The following FGF12 variants were observed in gnomAD, a reference collection of about 807,000 sequenced individuals.
FGF12 encodes the protein fibroblast growth factor 12B.
Under a neutral mutation model 23.6 loss-of-function variants are expected in FGF12, and 14 were observed. The observed-to-expected ratio is 0.59, with a 90% confidence interval of 0.39 to 0.93. FGF12 has a LOEUF of 0.93. FGF12 is among the 40% of genes least tolerant of loss of function. The pLI is 0.00. For synonymous variants in FGF12, 62 were observed against 77.3 expected, an observed-to-expected ratio of 0.80 and a Z score of 1.04; for missense variants, 175 against 217.8, an observed-to-expected ratio of 0.80 and a Z score of 1.24.
At chr3:192,186,700 A>G (rs1022474759) in intron 4 of FGF12, among the ~76,000 whole-genome samples, 1 of 152,226 alleles carries the variant, frequency 6.6e-6, no homozygotes, top group Non-Finnish European at 1.5e-5. Context: ...AAAAAATAAA[A>G]TAAAGAACTG....
intron 2 of FGF12, among the ~76,000 whole-genome samples, chr3:192,389,060 A>T (rs1255167216): frequency 6.6e-6 from 1 of 152,188 alleles, no homozygotes; most frequent in African/African-American, 2.4e-5. Flanking sequence ...CAATGTGAAA[A>T]GACTTAAATT....
chr3:192,630,124 T>C lies in FGF12; in HGVS notation c.13+97057A>G, dbSNP rs190240354. Among the ~76,000 whole-genome samples the C allele has an allele frequency of 1.1e-3, 166 of 152,162 alleles. 1 individual carries two copies. Among genetic ancestry groups the C allele is most frequent in the African/African-American group, 3.8e-3 (159 of 41,516 alleles). On this transcript the variant is annotated intron_variant, in intron 2 of 5. Transcript: ENST00000445105. ...CAAGAAATCTGCTTATTTAAAAGTGTGGGGTACCTCCCTGCCCGCCTCTCT... is the reference window on the plus strand; with the variant it reads ...CAAGAAATCTGCTTATTTAAAAGTGCGGGGTACCTCCCTGCCCGCCTCTCT...
chr3:192,514,954 G>T lies in FGF12; in HGVS notation c.14-154416C>A. The T allele has an allele frequency of 6.1e-6, 5 of 823,910 alleles. No individual in the cohort carries two copies. The highest frequency in any genetic ancestry group is 7.3e-6 in the Non-Finnish European group (5 of 682,530). The allele number at this position is 823,910 out of a possible 1,614,324, so 51.0% of individuals were successfully genotyped here. ...GGGACGCGGAAGTGCCGGTCCGCCG[G>T]GGGCAGCCCTCCGAGAGCCCGAGGC... On this transcript the variant is annotated intron_variant, in intron 2 of 5. Coordinates refer to ENST00000445105, the MANE Select transcript of FGF12 (RefSeq NM_004113.6). The surrounding 1 kb of genome is among the most constrained non-coding windows in gnomAD (Gnocchi z 4.9).
intron 2 of FGF12, among the ~76,000 whole-genome samples, chr3:192,482,517 C>G (rs1277472636): frequency 2.0e-5 from 3 of 152,012 alleles, no homozygotes; most frequent in South Asian, 2.1e-4. Flanking sequence ...GCCTGTAATC[C>G]CAGCTACTCA....
At chr3:192,533,816 G>A (rs962847133) in intron 2 of FGF12, among the ~76,000 whole-genome samples, 1 of 152,184 alleles carries the variant, frequency 6.6e-6, no homozygotes, top group African/African-American at 2.4e-5. Flanking sequence ...GAATAGTTCT[G>A]TGTCTAATTT....
intron 2 of FGF12, among the ~76,000 whole-genome samples, chr3:192,361,403 T>C (rs1718721765): frequency 6.6e-6 from 1 of 152,150 alleles, no homozygotes; most frequent in Admixed American, 6.6e-5. Context: ...GTCTCTATTG[T>C]TGAGCAAAAA....
rs376267555 is a variant in FGF12, at chr3:192,461,716, C to T, written c.14-101178G>A. ...AAAATCATTATTACTTGGCCAGGCA[C>T]GGTGGCTCATACCTGTAATCCCAGC... On this transcript the variant is annotated intron_variant, in intron 2 of 5. Transcript: ENST00000445105. 2.0e-3 allele frequency among the ~76,000 whole-genome samples: 303 copies of T among 152,136 alleles called. 1 individual carries two copies. Among genetic ancestry groups the T allele is most frequent in the Middle Eastern group, 3.4e-3 (1 of 294 alleles).
At chr3:192,300,464 T>C (rs1715278269) in intron 4 of FGF12, among the ~76,000 whole-genome samples, 1 of 152,064 alleles carries the variant, frequency 6.6e-6, no homozygotes, top group Admixed American at 6.6e-5. Context: ...GGACTACCAA[T>C]CTATTACCTT....
Position 192,170,525 on chromosome 3 carries a change from T to G in FGF12, c.360A>C (p.Gln120His), listed in dbSNP as rs778450052. The G allele has an allele frequency of 6.2e-7, 1 of 1,614,120 alleles. No individual in the cohort carries two copies. Among genetic ancestry groups the G allele is most frequent in the East Asian group, 2.2e-5 (1 of 44,858 alleles). Residue 120 changes from glutamine to histidine, a missense_variant, in exon 5 of 6, where the codon CAA becomes CAC. Physicochemically the swap from Gln to His is conservative, Grantham distance 24. Transcript: ENST00000445105. ...AWFLGLNKEG[Q>H]IMKGNRVKKT... is the part of the protein sequence containing the mutation. ...TCTTCACTCTGTTCCCCTTCATAAT[T>G]TGACCTTCTTTATTGAGTCCCAGAA...
At chr3:192,678,348 A>C (rs1717401872) in intron 2 of FGF12, among the ~76,000 whole-genome samples, 1 of 152,144 alleles carries the variant, frequency 6.6e-6, no homozygotes, top group Non-Finnish European at 1.5e-5. Flanking sequence ...ATGCTTAGAA[A>C]CCACTATCCT....
intron 2 of FGF12, among the ~76,000 whole-genome samples, chr3:192,632,020 T>C (rs1037231762): frequency 6.6e-6 from 1 of 152,166 alleles, no homozygotes; most frequent in Non-Finnish European, 1.5e-5. Context: ...AACTCATAGT[T>C]CTCTCAGGAG....
At chr3:192,656,280 G>GACACACACACACAC (rs61645270) in intron 2 of FGF12, among the ~76,000 whole-genome samples, 1 of 110,412 alleles carries the variant, frequency 9.1e-6, no homozygotes, top group Non-Finnish European at 2.0e-5. Context: ...AAGGTGAAAA[G>GACACACACACACAC]ACACACACAC....
At chr3:192,392,414 A>AAATAAAT (rs1720333282) in intron 2 of FGF12, among the ~76,000 whole-genome samples, 4 of 143,644 alleles carry the variant, frequency 2.8e-5, no homozygotes, top group African/African-American at 7.7e-5. Flanking sequence ...CTAAAAATAA[A>AAATAAAT]AAATAAATAA....
intron 2 of FGF12, among the ~76,000 whole-genome samples, chr3:192,611,185 G>A (rs997005109): frequency 6.6e-6 from 1 of 151,986 alleles, no homozygotes; most frequent in Non-Finnish European, 1.5e-5. Context: ...AATGCCATAC[G>A]TGGAAGCTAC....
chr3:192,449,155 C>A (rs1374079596), intron 2 of FGF12, among the ~76,000 whole-genome samples: 1 of 152,162 alleles, frequency 6.6e-6, no homozygotes, highest in Non-Finnish European at 1.5e-5. Flanking sequence ...CCTTCATTAC[C>A]TACTTGGCAA....
chr3:192,222,471 C>A (rs1180726663), intron 4 of FGF12, among the ~76,000 whole-genome samples: 1 of 152,092 alleles, frequency 6.6e-6, no homozygotes, highest in Non-Finnish European at 1.5e-5. Flanking sequence ...ATGTTAGCAT[C>A]TGGAAACTCA....
chr3:192,320,995 T>A (rs1716503174), intron 4 of FGF12, among the ~76,000 whole-genome samples: 1 of 151,606 alleles, frequency 6.6e-6, no homozygotes, highest in East Asian at 1.9e-4. Context: ...TTTAAAAAAA[T>A]ACAGAAATCA....
chr3:192,449,574 G>GC (rs1553814964), intron 2 of FGF12, among the ~76,000 whole-genome samples: 1 of 152,102 alleles, frequency 6.6e-6, no homozygotes, highest in Non-Finnish European at 1.5e-5. Flanking sequence ...TTTCTCCAAC[G>GC]CCCCATTCCT....
chr3:192,248,937 T>C (rs1169631916), intron 4 of FGF12, among the ~76,000 whole-genome samples: 4 of 152,208 alleles, frequency 2.6e-5, no homozygotes, highest in South Asian at 2.1e-4. Flanking sequence ...CAATCAGTGA[T>C]TATTGATTGG....
Sources: allele counts gnomAD v4.1 joint callset (sites outside exome capture counted in the v4.1 genomes callset), GRCh38; gene constraint gnomAD v4.1.1; non-coding constraint Gnocchi (gnomAD v3.1); transcripts MANE v1.5; gene names NCBI Gene and HGNC (gene_info 2026-07-23, HGNC 2026-07-21).